MITF: variants seen among roughly 807,000 people sequenced by gnomAD.
MITF encodes the protein microphthalmia-associated transcription factor.
In MITF, 17 loss-of-function variants were observed where a neutral mutation model predicts 60.5. That is an observed-to-expected ratio of 0.28 (90% CI 0.19 to 0.42). The LOEUF (loss-of-function observed/expected upper bound fraction) is 0.42. Among genes scored for constraint, MITF ranks in the 10% least tolerant of loss-of-function variants. The pLI is 1.00. For missense variants in MITF, 622 were observed against 683.5 expected, an observed-to-expected ratio of 0.91 and a Z score of 1.00; for synonymous variants, 260 against 248.5, an observed-to-expected ratio of 1.05 and a Z score of -0.43.
At chr3:69,890,009 A>G (rs949487775) in intron 2 of MITF, among the ~76,000 whole-genome samples, 1 of 152,160 alleles carries the variant, frequency 6.6e-6, no homozygotes, top group Admixed American at 6.6e-5. Flanking sequence ...ATGATTTACA[A>G]TTATTAATCA....
chr3:69,916,689 G>A (rs1251292644), intron 2 of MITF, among the ~76,000 whole-genome samples: 1 of 152,064 alleles, frequency 6.6e-6, no homozygotes, highest in African/African-American at 2.4e-5. Context: ...GTAATATGAT[G>A]CACATCATAA....
intron 1 of MITF, among the ~76,000 whole-genome samples, chr3:69,851,906 A>T (rs2063830408): frequency 6.6e-6 from 1 of 152,246 alleles, no homozygotes; most frequent in Non-Finnish European, 1.5e-5. Flanking sequence ...AATTTCATAA[A>T]TTTAATTTAA....
intron 1 of MITF, chr3:69,866,483 C>A: frequency 2.3e-6 from 2 of 869,094 alleles, no homozygotes; most frequent in Non-Finnish European, 3.1e-6. Context: ...TTCTCACTGG[C>A]TTTAATCAGC....
In MITF at chr3:69,902,218, T is replaced by C. The variant is rs375010343; in HGVS notation, c.354+22835T>C. Among the ~76,000 whole-genome samples the C allele has an allele frequency of 2.2e-3, 337 of 152,280 alleles. 1 individual carries two copies. The highest frequency in any genetic ancestry group is 7.9e-3 in the African/African-American group (328 of 41,558). ...ATGTAATTATCCTTTGTTTAGTTTT[T>C]CTTTTTTTTTCCAGTAATGAATAAT... On this transcript the variant is annotated intron_variant, in intron 2 of 9. Transcript: ENST00000352241.
chr3:69,791,694 G>C (rs141022403), intron 1 of MITF, among the ~76,000 whole-genome samples: 1 of 152,134 alleles, frequency 6.6e-6, no homozygotes, highest in African/African-American at 2.4e-5. Context: ...AGATAGGGCT[G>C]GTGGCATCTA....
chr3:69,834,784 C>A (rs1211418484), intron 1 of MITF, among the ~76,000 whole-genome samples: 1 of 150,974 alleles, frequency 6.6e-6, no homozygotes. Flanking sequence ...AATTTACAAT[C>A]TCTCTAACAG....
intron 1 of MITF, among the ~76,000 whole-genome samples, chr3:69,790,558 A>G (rs896316857): frequency 5.9e-5 from 9 of 152,228 alleles, no homozygotes; most frequent in African/African-American, 2.2e-4. Flanking sequence ...TTACTACTTC[A>G]TTGAGTATTT....
At chr3:69,833,700 ATGTGGTTCTCTGTT>A (rs1241403446) in intron 1 of MITF, among the ~76,000 whole-genome samples, 1,573 of 151,184 alleles carry the variant, frequency 0.01, 32 homozygotes, top group African/African-American at 0.036. Context: ...TTTACACTGT[ATGTGGTTCTCTGTT>A]TACACTGTAT....
At chr3:69,927,036 A>G (rs1240170268) in intron 2 of MITF, among the ~76,000 whole-genome samples, 1 of 152,230 alleles carries the variant, frequency 6.6e-6, no homozygotes, top group Non-Finnish European at 1.5e-5. Flanking sequence ...CATGTACATT[A>G]TAGAAAATAA....
intron 5 of MITF, among the ~76,000 whole-genome samples, chr3:69,942,480 A>T (rs2065991504): frequency 2.0e-5 from 3 of 151,888 alleles, no homozygotes. Flanking sequence ...TTTTTTTTAA[A>T]TCCATCTTGA....
chr3:69,900,660 C>T (rs2064976208), intron 2 of MITF, among the ~76,000 whole-genome samples: 1 of 152,098 alleles, frequency 6.6e-6, no homozygotes, highest in Non-Finnish European at 1.5e-5. Context: ...GAGAAAGCAG[C>T]ATGGGTAAAT....
intron 1 of MITF, among the ~76,000 whole-genome samples, chr3:69,746,828 T>C (rs1703744362): frequency 6.6e-6 from 1 of 152,090 alleles, no homozygotes; most frequent in Admixed American, 6.5e-5. Context: ...CACAGGGAGG[T>C]CTGGGATCTC....
chr3:69,742,519 C>G (rs1251481690), intron 1 of MITF, among the ~76,000 whole-genome samples: 1 of 152,082 alleles, frequency 6.6e-6, no homozygotes, highest in Non-Finnish European at 1.5e-5. Context: ...CTGCCTCCTA[C>G]CTCCCTCTGC....
At chr3:69,793,045 CT>C (rs2062768216) in intron 1 of MITF, among the ~76,000 whole-genome samples, 1 of 128,826 alleles carries the variant, frequency 7.8e-6, no homozygotes, top group Non-Finnish European at 1.6e-5. Flanking sequence ...CAGGGTCTCC[CT>C]CTGCCACCCA....
intron 1 of MITF, 95 bp from the exon 2 acceptor site, chr3:69,879,039 T>C: frequency 1.0e-6 from 1 of 966,642 alleles, no homozygotes; most frequent in Non-Finnish European, 1.7e-6. Context: ...CGCAGACTCA[T>C]TTTATAGTTT....
chr3:69,761,335 T>G (rs75221300), intron 1 of MITF, among the ~76,000 whole-genome samples: 5,357 of 152,256 alleles, frequency 0.035, 336 homozygotes, highest in African/African-American at 0.12. Flanking sequence ...ATGAGGTAGA[T>G]AGGATCCCAT....
At chr3:69,950,627 G>GTA (rs143648888) in intron 6 of MITF, among the ~76,000 whole-genome samples, 15,715 of 137,910 alleles carry the variant, frequency 0.11, 1,066 homozygotes, top group African/African-American at 0.19. Context: ...TATATGGTGT[G>GTA]TATATATATA....
chr3:69,825,072 A>G (rs1451149895), intron 1 of MITF, among the ~76,000 whole-genome samples: 1 of 152,136 alleles, frequency 6.6e-6, no homozygotes, highest in East Asian at 1.9e-4. Context: ...ATAGTTAGTA[A>G]TTTCTTCTAT....
intron 1 of MITF, among the ~76,000 whole-genome samples, chr3:69,813,328 T>C (rs568477601): frequency 6.6e-6 from 1 of 152,340 alleles, no homozygotes; most frequent in African/African-American, 2.4e-5. Flanking sequence ...ATTATGCATT[T>C]ACACCAAGTG....
Sources: gnomAD v4.1 joint callset for allele counts (sites outside exome capture counted in the v4.1 genomes callset) on GRCh38, gnomAD v4.1.1 for gene constraint, MANE v1.5 for transcripts, NCBI Gene and HGNC (gene_info 2026-07-23, HGNC 2026-07-21) for gene names.